Variants in SLC39A11 observed in about 807,000 individuals in gnomAD.
The protein encoded by SLC39A11 is zinc transporter ZIP11.
In SLC39A11, 33 loss-of-function variants were observed where a neutral mutation model predicts 36.1. The ratio of observed to expected loss-of-function variants is 0.91; its 90% CI spans 0.69 to 1.22. The LOEUF is 1.22. Ranked by LOEUF, SLC39A11 falls within the 50% of genes most tolerant of loss-of-function variation. The pLI is 0.00. For missense variants in SLC39A11, 432 were observed against 430.3 expected (o/e 1.00, Z -0.03); for synonymous variants, 166 against 170.3 (o/e 0.97, Z 0.20).
intron 7 of SLC39A11, among the ~76,000 whole-genome samples, chr17:72,669,075 T>C (rs185115308): frequency 1.3e-5 from 2 of 152,358 alleles, no homozygotes; most frequent in East Asian, 3.9e-4. Context: ...GGTCAGTATA[T>C]TCGATAATTT....
At chr17:72,701,043 C>T (rs1365090605) in intron 7 of SLC39A11, among the ~76,000 whole-genome samples, 1 of 152,242 alleles carries the variant, frequency 6.6e-6, no homozygotes, top group East Asian at 1.9e-4. Context: ...CAGCCTGAAG[C>T]TCCACCAAGC....
At chr17:72,661,102 G>A (rs1023127030) in intron 7 of SLC39A11, among the ~76,000 whole-genome samples, 2 of 152,178 alleles carry the variant, frequency 1.3e-5, no homozygotes, top group Non-Finnish European at 1.5e-5. Context: ...GCTATGGCAC[G>A]ACAGATTTGG....
At chr17:73,033,065 G>A (rs189194094) in intron 3 of SLC39A11, among the ~76,000 whole-genome samples, 184 of 152,230 alleles carry the variant, frequency 1.2e-3, no homozygotes, top group Non-Finnish European at 2.0e-3. Context: ...TCAGATCATC[G>A]GGCATTAGAG....
chr17:73,041,137 C>G (rs970608183), intron 3 of SLC39A11, among the ~76,000 whole-genome samples: 26 of 152,066 alleles, frequency 1.7e-4, no homozygotes, highest in African/African-American at 6.3e-4. Context: ...TTTGGAATAT[C>G]ACAGAATGTA....
intron 5 of SLC39A11, among the ~76,000 whole-genome samples, chr17:72,880,419 A>C (rs1334618471): frequency 2.6e-5 from 4 of 152,248 alleles, no homozygotes; most frequent in Admixed American, 6.5e-5. Flanking sequence ...CCCACAAAAA[A>C]AAACCTGTTG....
At chr17:72,887,458 T>A (rs2081493658) in intron 5 of SLC39A11, among the ~76,000 whole-genome samples, 1 of 152,218 alleles carries the variant, frequency 6.6e-6, no homozygotes, top group Admixed American at 6.5e-5. Flanking sequence ...TGCATCATCT[T>A]TCTTGTGCCT....
intron 4 of SLC39A11, among the ~76,000 whole-genome samples, chr17:73,007,570 G>C (rs562954888): frequency 3.3e-5 from 5 of 152,130 alleles, no homozygotes; most frequent in African/African-American, 7.2e-5. Flanking sequence ...GGGAGAACAC[G>C]AGAAAAGGCT....
chr17:72,743,193 T>TG (rs1289913178), intron 6 of SLC39A11, among the ~76,000 whole-genome samples: 1 of 152,060 alleles, frequency 6.6e-6, no homozygotes. Flanking sequence ...GTGACCCAGC[T>TG]GGGGGGGCTA....
At chr17:72,689,788 G>T (rs56391239) in intron 7 of SLC39A11, among the ~76,000 whole-genome samples, 4 of 152,062 alleles carry the variant, frequency 2.6e-5, no homozygotes, top group African/African-American at 7.2e-5. Context: ...CAAAGGCTGT[G>T]GGGGGAGGGA....
chr17:72,966,861 G>T (rs1021337484), intron 4 of SLC39A11, among the ~76,000 whole-genome samples: 1 of 152,176 alleles, frequency 6.6e-6, no homozygotes, highest in African/African-American at 2.4e-5. Context: ...CAGCCACCAC[G>T]CCCGGCCGCT....
At chr17:72,873,098 C>T (rs2080729399) in intron 5 of SLC39A11, among the ~76,000 whole-genome samples, 1 of 150,860 alleles carries the variant, frequency 6.6e-6, no homozygotes. Flanking sequence ...TGGTTCAGGA[C>T]TCATATAGCT....
intron 6 of SLC39A11, among the ~76,000 whole-genome samples, chr17:72,804,908 C>CG (rs940984367): frequency 6.6e-6 from 1 of 151,936 alleles, no homozygotes; most frequent in Non-Finnish European, 1.5e-5. Flanking sequence ...TAATCCCATT[C>CG]GGGAGGCTGA....
chr17:72,714,947 C>T (rs1232881660), intron 7 of SLC39A11, among the ~76,000 whole-genome samples: 1 of 152,208 alleles, frequency 6.6e-6, no homozygotes, highest in Admixed American at 6.5e-5. Flanking sequence ...AGGATCTTTA[C>T]ACGTACATAT....
chr17:72,794,186 C>T (rs558682332), intron 6 of SLC39A11, among the ~76,000 whole-genome samples: 4 of 152,230 alleles, frequency 2.6e-5, no homozygotes, highest in Admixed American at 6.5e-5. Flanking sequence ...CAATGGGTCC[C>T]AGCACCTGCT....
At chr17:72,873,090 G>A (rs937732521) in intron 5 of SLC39A11, among the ~76,000 whole-genome samples, 1 of 151,528 alleles carries the variant, frequency 6.6e-6, no homozygotes, top group African/African-American at 2.4e-5. Flanking sequence ...AAGAATTATG[G>A]TTCAGGACTC....
intron 7 of SLC39A11, among the ~76,000 whole-genome samples, chr17:72,676,855 G>C (rs770891275): frequency 6.6e-6 from 1 of 152,274 alleles, no homozygotes; most frequent in Admixed American, 6.5e-5. Context: ...TTCTCTGGTC[G>C]ACAGTATTGT....
rs577530987 is a variant in SLC39A11 at position 72,856,257 on chromosome 17, A to C, written c.431-6453T>G. 8.5e-5 allele frequency among the ~76,000 whole-genome samples: 13 copies of C among 152,262 alleles called. 2 individuals carry two copies. In the South Asian group the frequency reaches 1.9e-3, roughly 22 times the overall value. On this transcript the variant is annotated intron_variant, in intron 5 of 9. Transcript: ENST00000255559. ...TTCTCATCTTGAAATAAGTATATTTATTTATGGGGCAAATGACATTTCTCT... is the reference window on the plus strand; with the variant it reads ...TTCTCATCTTGAAATAAGTATATTTCTTTATGGGGCAAATGACATTTCTCT...
At chr17:73,008,002 C>T (rs1218517545) in intron 4 of SLC39A11, among the ~76,000 whole-genome samples, 2 of 151,928 alleles carry the variant, frequency 1.3e-5, no homozygotes, top group Non-Finnish European at 2.9e-5. Flanking sequence ...ACTCAGGAGG[C>T]TGAGACAGGA....
intron 4 of SLC39A11, among the ~76,000 whole-genome samples, chr17:73,011,559 C>T (rs79300799): frequency 6.6e-6 from 1 of 151,612 alleles, no homozygotes; most frequent in Non-Finnish European, 1.5e-5. Flanking sequence ...AAAGATCATT[C>T]GTACAAAAAA....
Sources: allele counts gnomAD v4.1 joint callset (sites outside exome capture counted in the v4.1 genomes callset), GRCh38; gene constraint gnomAD v4.1.1; transcripts MANE v1.5; gene names NCBI Gene and HGNC (gene_info 2026-07-23, HGNC 2026-07-21).